CNTN1: variants seen among roughly 807,000 people sequenced by gnomAD.
The protein encoded by CNTN1 is contactin 1.
Under a neutral mutation model 126.4 loss-of-function variants are expected in CNTN1, and 38 were observed. That is an observed-to-expected ratio of 0.30 (90% CI 0.23 to 0.39). CNTN1 has a LOEUF of 0.39. Ranked by LOEUF, CNTN1 falls within the 10% of genes least tolerant of loss-of-function variation. CNTN1 has a pLI of 1.00. For synonymous variants in CNTN1, 413 were observed against 422.6 expected (o/e 0.98, Z 0.28); for missense variants, 1,009 against 1,248.4 (o/e 0.81, Z 2.89).
intron 1 of CNTN1, among the ~76,000 whole-genome samples, chr12:40,860,976 G>A (rs1394238349): frequency 6.6e-6 from 1 of 152,006 alleles, no homozygotes; most frequent in Non-Finnish European, 1.5e-5. Context: ...TAACACTCAG[G>A]AAATTCCAAA....
intron 1 of CNTN1, among the ~76,000 whole-genome samples, chr12:40,832,436 ACAGTATTCAGTACGGTAACATG>A (rs1353340683): frequency 6.6e-6 from 1 of 152,256 alleles, no homozygotes; most frequent in East Asian, 1.9e-4. Context: ...ATACTTGCCT[ACAGTATTCAGTACGGTAACATG>A]CTGTTCATGT....
intron 3 of CNTN1, among the ~76,000 whole-genome samples, chr12:40,910,463 A>G (rs1369777084): frequency 6.6e-6 from 1 of 152,182 alleles, no homozygotes; most frequent in Admixed American, 6.5e-5. Flanking sequence ...TGCAAGGGAG[A>G]TAACTAAAGT....
chr12:41,047,623 C>T (rs1031380519), intron 23 of CNTN1, among the ~76,000 whole-genome samples: 1 of 152,034 alleles, frequency 6.6e-6, no homozygotes, highest in African/African-American at 2.4e-5. Flanking sequence ...GCCTCTAGGG[C>T]CACTCTTACT....
intron 3 of CNTN1, among the ~76,000 whole-genome samples, 198 bp from the exon 4 acceptor site, chr12:40,918,441 T>G (rs1218797646): frequency 6.6e-6 from 1 of 152,012 alleles, no homozygotes; most frequent in Non-Finnish European, 1.5e-5. Context: ...TTTGGAAAAA[T>G]GACAGGAGAT....
chr12:40,971,876 G>T, intron 15 of CNTN1: 1 of 1,076,238 alleles, frequency 9.3e-7, no homozygotes, highest in Non-Finnish European at 1.1e-6. Flanking sequence ...CAGGAGTATT[G>T]CCATTGAATG....
At chr12:40,875,405 C>T (rs1457085609) in intron 1 of CNTN1, among the ~76,000 whole-genome samples, 4 of 152,144 alleles carry the variant, frequency 2.6e-5, no homozygotes, top group Non-Finnish European at 4.4e-5. Flanking sequence ...CCATTTCCCT[C>T]CTGCTCATCC....
At chr12:40,743,889 AG>A (rs1224097956) in intron 1 of CNTN1, among the ~76,000 whole-genome samples, 1 of 152,058 alleles carries the variant, frequency 6.6e-6, no homozygotes, top group Non-Finnish European at 1.5e-5. Context: ...GGTATTGCCT[AG>A]ATTTTCTTCT....
intron 14 of CNTN1, among the ~76,000 whole-genome samples, chr12:40,956,858 T>C (rs562190585): frequency 1.6e-4 from 25 of 151,980 alleles, no homozygotes; most frequent in Non-Finnish European, 3.1e-4. Context: ...GAGGAAAGAA[T>C]AGAGTGGAAC....
chr12:40,921,289 C>G (rs1167684984), intron 4 of CNTN1, among the ~76,000 whole-genome samples: 1 of 152,046 alleles, frequency 6.6e-6, no homozygotes, highest in African/African-American at 2.4e-5. Flanking sequence ...AGGAAATGAG[C>G]GATGTGGCCA....
intron 1 of CNTN1, among the ~76,000 whole-genome samples, chr12:40,823,524 C>A (rs1410988483): frequency 6.6e-6 from 1 of 152,108 alleles, no homozygotes; most frequent in East Asian, 1.9e-4. Context: ...TTTTTCCAGG[C>A]TTACTGTATA....
At chr12:41,000,527 T>C (rs1259511286) in intron 17 of CNTN1, among the ~76,000 whole-genome samples, 1 of 152,158 alleles carries the variant, frequency 6.6e-6, no homozygotes, top group Admixed American at 6.5e-5. Context: ...GTCAGTTTCA[T>C]TTTCTAACAG....
At position 40,851,446 on chromosome 12, in the gene CNTN1, T is replaced by A. The variant is rs184769355; in HGVS notation, c.-76-56911T>A. ...TAGGTAATCCGCATGAAATATGCAG[T>A]CAAAAAGGAAGTCTTATCCATATTT... On this transcript the variant is annotated intron_variant, in intron 1 of 23. Transcript: ENST00000551295. 7.9e-5 allele frequency among the ~76,000 whole-genome samples: 12 copies of A among 152,310 alleles called. No homozygotes were observed. The East Asian group carries it at 2.3e-3, about 29-fold the overall frequency.
At chr12:40,850,161 C>A (rs1357577448) in intron 1 of CNTN1, among the ~76,000 whole-genome samples, 1 of 152,064 alleles carries the variant, frequency 6.6e-6, no homozygotes, top group Admixed American at 6.5e-5. Flanking sequence ...CAACAATTTG[C>A]TAATTTTTCC....
intron 15 of CNTN1, among the ~76,000 whole-genome samples, chr12:40,966,493 C>T (rs1227585874): frequency 6.6e-6 from 1 of 151,914 alleles, no homozygotes; most frequent in African/African-American, 2.4e-5. Flanking sequence ...AATTGTAATA[C>T]ACAAAAGCTA....
At chr12:40,983,241 C>T (rs1947867198) in intron 16 of CNTN1, among the ~76,000 whole-genome samples, 1 of 151,982 alleles carries the variant, frequency 6.6e-6, no homozygotes, top group Non-Finnish European at 1.5e-5. Context: ...TTTCTGTTGG[C>T]CACATATAGT....
intron 23 of CNTN1, among the ~76,000 whole-genome samples, chr12:41,038,285 G>A (rs187105576): frequency 3.3e-5 from 5 of 152,262 alleles, no homozygotes; most frequent in South Asian, 2.1e-4. Flanking sequence ...GCACTTTGGA[G>A]GTCTATGTAT....
intron 23 of CNTN1, chr12:41,061,858 T>C (rs1949945236): frequency 4.4e-6 from 2 of 455,318 alleles, no homozygotes; most frequent in Non-Finnish European, 8.8e-6. Flanking sequence ...GCTAAAGTTA[T>C]ATAACTAGCT....
At chr12:40,798,264 C>T (rs982940) in intron 1 of CNTN1, among the ~76,000 whole-genome samples, 35,370 of 151,960 alleles carry the variant, frequency 0.23, 4,691 homozygotes, top group South Asian at 0.35. Flanking sequence ...TGAGATGTTG[C>T]TACTGAAGAG....
intron 1 of CNTN1, among the ~76,000 whole-genome samples, chr12:40,855,656 C>A (rs1013644226): frequency 6.6e-6 from 1 of 151,950 alleles, no homozygotes; most frequent in Non-Finnish European, 1.5e-5. Flanking sequence ...TTGAATAAAT[C>A]TATATAACTA....
Sources: allele counts gnomAD v4.1 joint callset (sites outside exome capture counted in the v4.1 genomes callset), GRCh38; gene constraint gnomAD v4.1.1; transcripts MANE v1.5; gene names NCBI Gene and HGNC (gene_info 2026-07-23, HGNC 2026-07-21).